The following LRRC74A variants were observed in gnomAD, a reference collection of about 807,000 sequenced individuals.
The protein encoded by LRRC74A is leucine rich repeat containing 74A.
LRRC74A carries 44 observed loss-of-function variants against 57.9 expected under a neutral mutation model. The ratio of observed to expected loss-of-function variants is 0.76; its 90% CI spans 0.60 to 0.98. The LOEUF (loss-of-function observed/expected upper bound fraction) is 0.98. Ranked by LOEUF, LRRC74A falls within the 50% of genes least tolerant of loss-of-function variation. LRRC74A has a pLI of 0.00. For synonymous variants in LRRC74A, 211 were observed against 219.4 expected (o/e 0.96, Z 0.34); for missense variants, 572 against 574.0 (o/e 1.00, Z 0.04).
chr14:76,838,406 A>G (rs2885625), intron 5 of LRRC74A, among the ~76,000 whole-genome samples: 14,015 of 152,258 alleles, frequency 0.092, 707 homozygotes, highest in Non-Finnish European at 0.1. Flanking sequence ...CACTGATATT[A>G]AAGACTGAAC....
At chr14:76,848,772 G>C (rs1897260100) in intron 7 of LRRC74A, among the ~76,000 whole-genome samples, 1 of 152,194 alleles carries the variant, frequency 6.6e-6, no homozygotes, top group Non-Finnish European at 1.5e-5. Context: ...GGTAATTACA[G>C]GAGCAAAGTC....
intron 10 of LRRC74A, among the ~76,000 whole-genome samples, chr14:76,858,664 G>A (rs1339135550): frequency 2.0e-5 from 3 of 151,974 alleles, no homozygotes; most frequent in South Asian, 2.1e-4. Context: ...ATGTGATGTC[G>A]GCTCACCTCC....
chr14:76,857,553 GA>G, intron 10 of LRRC74A, 78 bp downstream of exon 10: 3 of 1,030,200 alleles, frequency 2.9e-6, no homozygotes, highest in Non-Finnish European at 4.4e-6. Flanking sequence ...GTGTTGGCCA[GA>G]GCCAACAGCT....
chr14:76,850,145 T>A (rs1047431058), intron 7 of LRRC74A, among the ~76,000 whole-genome samples: 2 of 151,962 alleles, frequency 1.3e-5, no homozygotes, highest in Non-Finnish European at 2.9e-5. Flanking sequence ...AAGGTGGAGC[T>A]TGCAGTGAGC....
chr14:76,869,755 C>T (rs1460975744), intron 13 of LRRC74A, among the ~76,000 whole-genome samples: 1 of 146,580 alleles, frequency 6.8e-6, no homozygotes, highest in Non-Finnish European at 1.5e-5. Context: ...GAGTAAGACT[C>T]CATCTAAAAA....
chr14:76,852,457 C>T lies in LRRC74A; in HGVS notation c.762+7C>T, dbSNP rs565328675. ...CTTGTGCAATGGTCTCCGGGTAAGG[C>T]ACTCTCCAGGAGTGATGTGTGGAGC... On this transcript the variant is annotated splice_region_variant and intron_variant, in intron 8 of 13. Transcript: ENST00000689127. The T allele has an allele frequency of 6.9e-6, 11 of 1,588,602 alleles. No homozygotes were observed. The highest frequency in any genetic ancestry group is 1.7e-4 in the Middle Eastern group (1 of 6,050).
At chr14:76,852,291 T>G in intron 7 of LRRC74A, 74 bp from the exon 8 acceptor site, 1 of 1,178,582 alleles carries the variant, frequency 8.5e-7, no homozygotes, top group Non-Finnish European at 1.2e-6. Context: ...CCCAGTGTCA[T>G]GGACATCTGT....
chr14:76,842,959 C>A (rs989970617), intron 5 of LRRC74A, among the ~76,000 whole-genome samples: 1 of 152,036 alleles, frequency 6.6e-6, no homozygotes, highest in African/African-American at 2.4e-5. Context: ...ATTGAATGGA[C>A]TGAGGTGAAT....
intron 11 of LRRC74A, among the ~76,000 whole-genome samples, chr14:76,862,717 G>C (rs1031752197): frequency 6.6e-6 from 1 of 152,170 alleles, no homozygotes; most frequent in Non-Finnish European, 1.5e-5. Flanking sequence ...GCCACAGAGA[G>C]TGGGAGGGTG....
intron 5 of LRRC74A, among the ~76,000 whole-genome samples, chr14:76,841,024 A>C (rs2140274803): frequency 6.6e-6 from 1 of 152,168 alleles, no homozygotes; most frequent in South Asian, 2.1e-4. Context: ...TAAGTTATAA[A>C]ATCTTATAAT....
chr14:76,845,337 CAAG>C (rs1446226638), intron 7 of LRRC74A, among the ~76,000 whole-genome samples: 1 of 118,786 alleles, frequency 8.4e-6, no homozygotes, highest in Non-Finnish European at 1.7e-5. Context: ...AGAAGAAGCA[CAAG>C]AAGAAGGAAA....
At chr14:76,866,835 C>T (rs1898840885) in intron 12 of LRRC74A, among the ~76,000 whole-genome samples, 1 of 150,942 alleles carries the variant, frequency 6.6e-6, no homozygotes, top group African/African-American at 2.4e-5. Flanking sequence ...TTTTTCCAGC[C>T]CCTCCATGCT....
At chr14:76,854,759 C>T (rs875111) in intron 9 of LRRC74A, among the ~76,000 whole-genome samples, 27,583 of 152,086 alleles carry the variant, frequency 0.18, 2,810 homozygotes, top group East Asian at 0.25. Context: ...AATTAATTTA[C>T]TAGTAGATGC....
intron 10 of LRRC74A, among the ~76,000 whole-genome samples, chr14:76,858,330 C>T (rs1043949214): frequency 3.3e-5 from 5 of 152,162 alleles, no homozygotes; most frequent in African/African-American, 1.2e-4. Context: ...TGTTCCTTAG[C>T]TTGTAGAAGC....
chr14:76,844,564 C>T, intron 6 of LRRC74A, 92 bp downstream of exon 6: 1 of 1,305,766 alleles, frequency 7.7e-7, no homozygotes, highest in Non-Finnish European at 1.1e-6. Context: ...TAACGTGAGG[C>T]TACTTTCACA....
At position 76,867,430 on chromosome 14, in the gene LRRC74A, G is replaced by T; in HGVS notation, c.1383G>T (p.Val461=). Residue 461 remains valine (V), a synonymous_variant, in exon 13 of 14, where the codon GTG becomes GTT. Transcript: ENST00000689127. ...AGCTCGATGAGAAGACAGGCATGGT[G>T]AACTTCAGGTCAGCCCAGGCCCCGC... The part of the protein sequence containing the change: ...IKKLDEKTGM[V]NFSFLNTMKP 1.3e-6 allele frequency: 2 copies of T among 1,585,950 alleles called. No homozygotes were observed. Among genetic ancestry groups the T allele is most frequent in the Non-Finnish European group, 1.7e-6 (2 of 1,155,524 alleles).
At chr14:76,840,047 G>A (rs1896643630) in intron 5 of LRRC74A, among the ~76,000 whole-genome samples, 1 of 152,090 alleles carries the variant, frequency 6.6e-6, no homozygotes, top group African/African-American at 2.4e-5. Flanking sequence ...GTACTTTCTT[G>A]TAGCAAAGTT....
chr14:76,828,407 C>G lies in LRRC74A; in HGVS notation c.154C>G (p.Leu52Val), dbSNP rs1264737024. 1.2e-6 allele frequency: 2 copies of G among 1,613,858 alleles called. No individual in the cohort carries two copies. The highest frequency in any genetic ancestry group is 4.5e-5 in the East Asian group (2 of 44,890). ...AGCCCGGGAGAATTCGGAAACAGAC[C>G]TGGAGATTGAAGGCGAGCATGGGCA... The part of the protein sequence containing the change: ...KPARENSETD[L>V]EIEDDEKFFT... The change falls in exon 2 of 14, where the codon CTG becomes GTG. Residue 52 changes from leucine (L) to valine (V), a missense_variant. Leu to Val is a conservative substitution (Grantham distance 32, BLOSUM62 1). Coordinates refer to ENST00000689127, the MANE Select transcript of LRRC74A (RefSeq NM_001385106.1).
Position 76,866,022 on chromosome 14 carries a change from CCCA to C in LRRC74A, c.1257_1259del (p.Thr420del). 1 of 1,603,814 alleles carries C rather than the reference CCCA, an allele frequency of 6.2e-7. No homozygotes were observed. Among genetic ancestry groups the C allele is most frequent in the East Asian group, 2.2e-5 (1 of 44,776 alleles). ...CGTGGACTTCTTCAAGAGCTTGAAC[CCCA>C]CTGGGACAATGAAGATGTCTGTGGA... On this transcript the variant is annotated inframe_deletion, in exon 12 of 14. Coordinates refer to ENST00000689127, the MANE Select transcript of LRRC74A (RefSeq NM_001385106.1).
Sources: allele counts gnomAD v4.1 joint callset (sites outside exome capture counted in the v4.1 genomes callset), GRCh38; gene constraint gnomAD v4.1.1; transcripts MANE v1.5; gene names NCBI Gene and HGNC (gene_info 2026-07-23, HGNC 2026-07-21).